ADK: variants seen among roughly 807,000 people sequenced by gnomAD.
ADK encodes the protein N6,N6-dimethyladenosine kinase.
A neutral mutation model predicts 44.7 loss-of-function variants in ADK; 24 were observed. That is an observed-to-expected ratio of 0.54 (90% CI 0.39 to 0.76). The LOEUF is 0.76. Among genes scored for constraint, ADK ranks in the 30% least tolerant of loss-of-function variants. The probability of loss-of-function intolerance (pLI) is 0.00; values close to 1 mark genes in which losing one functional copy is unlikely to be tolerated. For missense variants in ADK, 321 were observed against 425.1 expected (o/e 0.76, Z 2.15); for synonymous variants, 128 against 142.6 (o/e 0.90, Z 0.73).
At chr10:74,492,312 T>C (rs1337930817) in intron 6 of ADK, among the ~76,000 whole-genome samples, 2 of 152,114 alleles carry the variant, frequency 1.3e-5, no homozygotes, top group East Asian at 3.8e-4. Flanking sequence ...AGATCACATG[T>C]TACATTTAGT....
intron 6 of ADK, among the ~76,000 whole-genome samples, chr10:74,438,391 A>AT (rs796983917): frequency 1.6e-3 from 207 of 128,112 alleles, no homozygotes; most frequent in African/African-American, 4.4e-3. Flanking sequence ...CATCCGGCTA[A>AT]TTTTTTTTTT....
intron 6 of ADK, among the ~76,000 whole-genome samples, chr10:74,407,130 T>C (rs1377109036): frequency 6.6e-6 from 1 of 152,046 alleles, no homozygotes; most frequent in Non-Finnish European, 1.5e-5. Flanking sequence ...CTAGTTTTTG[T>C]ATTTTCTCTA....
At chr10:74,537,015 G>C (rs925661275) in intron 7 of ADK, among the ~76,000 whole-genome samples, 7 of 152,070 alleles carry the variant, frequency 4.6e-5, no homozygotes, top group African/African-American at 1.7e-4. Context: ...TATATACCTA[G>C]ATGTGGAACT....
chr10:74,509,785 C>A (rs1218591493), intron 6 of ADK, among the ~76,000 whole-genome samples: 1 of 152,090 alleles, frequency 6.6e-6, no homozygotes, highest in Non-Finnish European at 1.5e-5. Context: ...CCTTTTACTT[C>A]TATAAGATCA....
chr10:74,702,415 C>T (rs1856455322), intron 10 of ADK, among the ~76,000 whole-genome samples: 1 of 151,782 alleles, frequency 6.6e-6, no homozygotes, highest in Non-Finnish European at 1.5e-5. Flanking sequence ...AACTCCTGAC[C>T]TTGTGATCCG....
intron 3 of ADK, among the ~76,000 whole-genome samples, chr10:74,270,714 G>T (rs1009111490): frequency 6.6e-6 from 1 of 152,198 alleles, no homozygotes; most frequent in African/African-American, 2.4e-5. Context: ...TTACAGTAGA[G>T]TCTGGGCATC....
intron 7 of ADK, among the ~76,000 whole-genome samples, chr10:74,560,547 A>T (rs913562045): frequency 2.0e-5 from 3 of 152,234 alleles, no homozygotes; most frequent in Admixed American, 6.5e-5. Context: ...ATATTGCTGT[A>T]AAGTCATAGT....
intron 1 of ADK, among the ~76,000 whole-genome samples, chr10:74,184,155 T>TGATC (rs1485951818): frequency 6.6e-6 from 1 of 151,954 alleles, no homozygotes; most frequent in Non-Finnish European, 1.5e-5. Flanking sequence ...TGACCTCAGG[T>TGATC]GATCCACCCA....
intron 2 of ADK, among the ~76,000 whole-genome samples, chr10:74,214,011 G>A (rs1045027800): frequency 1.3e-5 from 2 of 152,114 alleles, no homozygotes; most frequent in South Asian, 2.1e-4. Flanking sequence ...AGAATACAAA[G>A]AGTATAGTTC....
intron 1 of ADK, among the ~76,000 whole-genome samples, chr10:74,173,569 T>A (rs1395894870): frequency 2.6e-5 from 4 of 151,946 alleles, no homozygotes; most frequent in Non-Finnish European, 5.9e-5. Flanking sequence ...TAGCTGGGAC[T>A]ATAGGTGTGT....
At position 74,596,476 on chromosome 10, in the gene ADK, C is replaced by T. The variant is rs1851929522; in HGVS notation, c.763-3903C>T. Among the ~76,000 whole-genome samples the T allele has an allele frequency of 3.3e-5, 5 of 152,102 alleles. No individual in the cohort carries two copies. The South Asian group carries it at 1.0e-3, about 32-fold the overall frequency. ...CGGTCTCAGCTCACTGCAACCTCTG[C>T]CTGCTGGGCTCAAGCAATCTGTAGA... is the stretch of plus-strand genomic sequence containing the variant. On this transcript the variant is annotated intron_variant, in intron 8 of 10. Coordinates refer to ENST00000539909, the MANE Select transcript of ADK (RefSeq NM_006721.4).
At chr10:74,694,968 T>G (rs951906440) in intron 10 of ADK, among the ~76,000 whole-genome samples, 1 of 151,988 alleles carries the variant, frequency 6.6e-6, no homozygotes, top group African/African-American at 2.4e-5. Flanking sequence ...TTTTTTAATA[T>G]AGAGTGAGGT....
chr10:74,409,513 C>T (rs746958790), intron 6 of ADK, among the ~76,000 whole-genome samples: 15 of 152,052 alleles, frequency 9.9e-5, no homozygotes, highest in South Asian at 2.1e-4. Flanking sequence ...GGTGAGTTTT[C>T]CTTTAGCACT....
chr10:74,622,091 G>A (rs1853014899), intron 9 of ADK, among the ~76,000 whole-genome samples: 1 of 152,172 alleles, frequency 6.6e-6, no homozygotes, highest in South Asian at 2.1e-4. Context: ...ACCTTGAGTA[G>A]AGTATTTCCT....
chr10:74,645,835 T>C (rs1484561364), intron 9 of ADK, among the ~76,000 whole-genome samples: 1 of 152,218 alleles, frequency 6.6e-6, no homozygotes, highest in Non-Finnish European at 1.5e-5. Context: ...TTCAAGGCTA[T>C]GCAAATTGTG....
At position 74,441,504 on chromosome 10, in the gene ADK, A is replaced by C. The variant is rs369331562; in HGVS notation, c.555+42925A>C. ...GGTAGAAATGACTGAAATGTTCATCAACTGCTGAATGGATAAATAAAATTA... is the reference window on the plus strand; with the variant it reads ...GGTAGAAATGACTGAAATGTTCATCCACTGCTGAATGGATAAATAAAATTA... On this transcript the variant is annotated intron_variant, in intron 6 of 10. Coordinates refer to ENST00000539909, the MANE Select transcript of ADK (RefSeq NM_006721.4). Among the ~76,000 whole-genome samples, 35 of 152,372 alleles carry C rather than the reference A, an allele frequency of 2.3e-4. 1 individual carries two copies. Among genetic ancestry groups the C allele is most frequent in the Middle Eastern group, 6.8e-3 (2 of 294 alleles).
At chr10:74,515,911 G>A (rs985952520) in intron 6 of ADK, among the ~76,000 whole-genome samples, 6 of 152,140 alleles carry the variant, frequency 3.9e-5, no homozygotes, top group African/African-American at 1.4e-4. Context: ...GGATCATGGT[G>A]TTCAGAAACT....
intron 4 of ADK, among the ~76,000 whole-genome samples, chr10:74,365,992 T>G (rs1842487347): frequency 6.6e-6 from 1 of 152,234 alleles, no homozygotes; most frequent in African/African-American, 2.4e-5. Flanking sequence ...TGTTTTCATG[T>G]GCCTGTTGCC....
intron 7 of ADK, among the ~76,000 whole-genome samples, chr10:74,549,790 A>G (rs1471515314): frequency 1.3e-5 from 2 of 152,236 alleles, no homozygotes; most frequent in South Asian, 2.1e-4. Context: ...TTTATCCCCT[A>G]TTGTTTCATG....
Sources: gnomAD v4.1 joint callset for allele counts (sites outside exome capture counted in the v4.1 genomes callset) on GRCh38, gnomAD v4.1.1 for gene constraint, MANE v1.5 for transcripts, NCBI Gene and HGNC (gene_info 2026-07-23, HGNC 2026-07-21) for gene names.